Variants in NUP188 observed in about 807,000 individuals in gnomAD.
NUP188 encodes the protein nucleoporin NUP188.
In NUP188, 97 loss-of-function variants were observed where a neutral mutation model predicts 223.0. The ratio of observed to expected loss-of-function variants is 0.43; its 90% CI spans 0.37 to 0.51. The LOEUF (loss-of-function observed/expected upper bound fraction) is 0.51. Among genes scored for constraint, NUP188 ranks in the 20% least tolerant of loss-of-function variants. The pLI is 0.00. For missense variants in NUP188, 1,947 were observed against 2,175.6 expected (o/e 0.89, Z 2.09); for synonymous variants, 869 against 828.0 (o/e 1.05, Z -0.85).
In NUP188 at chr9:128,952,862, G is replaced by T; in HGVS notation, c.161+16G>T. On this transcript the variant is annotated intron_variant, in intron 3 of 43. Coordinates refer to ENST00000372577, the MANE Select transcript of NUP188 (RefSeq NM_015354.3). ...AACCTCCCAGGTATGGCAGTTCCGG[G>T]TGTCTGGTTAAAGTAATTGTCCTAA... 1.9e-6 allele frequency: 3 copies of T among 1,604,728 alleles called. No homozygotes were observed. The highest frequency in any genetic ancestry group is 2.6e-6 in the Non-Finnish European group (3 of 1,171,550).
rs1459605832 is a variant in NUP188 at position 128,982,966 on chromosome 9, A to C, written c.1734A>C (p.Thr578=). The change falls in exon 17 of 44, where the codon ACA becomes ACC. Residue 578 remains threonine, a synonymous_variant. Transcript: ENST00000372577. ...IIDLVHKVIS[T]DLSIADCLLP... The stretch of plus-strand genomic sequence containing the variant: ...ATCTCGTCCATAAGGTCATCAGTAC[A>C]GACCTGTCGATAGCAGACTGTCTCC... The C allele has an allele frequency of 1.2e-6, 2 of 1,614,126 alleles. No individual in the cohort carries two copies. Among genetic ancestry groups the C allele is most frequent in the Admixed American group, 3.3e-5 (2 of 60,012 alleles).
chr9:128,954,359 C>G (rs1315334747), intron 3 of NUP188, among the ~76,000 whole-genome samples: 2 of 138,172 alleles, frequency 1.4e-5, no homozygotes, highest in South Asian at 4.8e-4. Context: ...GGACTACAGG[C>G]GCCCGCTGTG....
At position 129,001,875 on chromosome 9, in the gene NUP188, T is replaced by C. The variant is rs762663956; in HGVS notation, c.4045-9T>C. The C allele has an allele frequency of 1.9e-6, 3 of 1,613,438 alleles. No individual in the cohort carries two copies. The highest frequency in any genetic ancestry group is 2.5e-6 in the Non-Finnish European group (3 of 1,179,522). ...CTCCATCTCATTTCCTGTCTTTCCC[T>C]CCTCCCAGGGAGCCACAGCAGTGGC... is the stretch of plus-strand genomic sequence containing the variant. On this transcript the variant is annotated splice_polypyrimidine_tract_variant and intron_variant, in intron 35 of 43. Coordinates refer to ENST00000372577, the MANE Select transcript of NUP188 (RefSeq NM_015354.3).
intron 34 of NUP188, among the ~76,000 whole-genome samples, chr9:129,000,854 C>T (rs974301337): frequency 2.9e-4 from 44 of 151,252 alleles, no homozygotes; most frequent in African/African-American, 1.0e-3. Flanking sequence ...CTGGCTAACA[C>T]GGTGAAACCC....
intron 25 of NUP188, among the ~76,000 whole-genome samples, chr9:128,990,942 C>G (rs959753145): frequency 1.3e-5 from 2 of 151,480 alleles, no homozygotes; most frequent in Non-Finnish European, 2.9e-5. Context: ...TGCTTGAACC[C>G]GGGAGGCAGA....
chr9:128,947,965 C>T (rs1374474834), intron 1 of NUP188: 11 of 399,240 alleles, frequency 2.8e-5, no homozygotes, highest in Non-Finnish European at 4.4e-5. Context: ...CGGCTCTTCA[C>T]CCCTTCCCTC....
intron 31 of NUP188, 124 bp from the exon 32 acceptor site, chr9:128,998,414 T>TC: frequency 9.7e-7 from 1 of 1,029,294 alleles, no homozygotes. Context: ...CCCTGGCTTC[T>TC]CCCCCTCCAC....
rs748122977 is a variant in NUP188, at chr9:128,984,991, C to T, written c.2053C>T (p.Arg685Cys). ...GEYGVTIAFL[R>C]LITTLVKGQL... ...GTATGGGGTTACTATTGCCTTTCTG[C>T]GCTTGATCACCACCCTTGTCAAGGT... Residue 685 changes from arginine (R) to cysteine (C), a missense_variant, in exon 20 of 44, where the codon CGC becomes TGC. By Grantham distance (180) the Arg-to-Cys change is radical (BLOSUM62 -3). Transcript: ENST00000372577. 6.4e-5 allele frequency: 103 copies of T among 1,612,504 alleles called. No homozygotes were observed. The highest frequency in any genetic ancestry group is 8.0e-5 in the Non-Finnish European group (94 of 1,178,988).
chr9:128,980,518 TA>T, intron 13 of NUP188, 87 bp from the exon 14 acceptor site: 1 of 1,408,194 alleles, frequency 7.1e-7, no homozygotes, highest in Non-Finnish European at 9.8e-7. Context: ...GGATTAATTC[TA>T]AATTTTCTCA....
chr9:128,965,916 G>T (rs2131150655), intron 8 of NUP188, among the ~76,000 whole-genome samples: 1 of 151,192 alleles, frequency 6.6e-6, no homozygotes, highest in African/African-American at 2.4e-5. Flanking sequence ...TCCTGCCTCA[G>T]CCTCCCAAAT....
chr9:128,979,252 C>G lies in NUP188; in HGVS notation c.1204-10C>G, dbSNP rs201618088. On this transcript the variant is annotated splice_polypyrimidine_tract_variant and intron_variant, in intron 12 of 43. Transcript: ENST00000372577. The stretch of plus-strand genomic sequence containing the variant: ...GAAAATGATCCATTTTTCTTCCCTT[C>G]CTCAAACAGGATATAATTGATACAG... 6.2e-7 allele frequency: 1 copy of G among 1,604,152 alleles called. No individual in the cohort carries two copies. Among genetic ancestry groups the G allele is most frequent in the African/African-American group, 1.3e-5 (1 of 74,734 alleles).
chr9:128,990,027 C>A lies in NUP188; in HGVS notation c.2534-93C>A, dbSNP rs1842392326. 7 of 969,492 alleles carry A rather than the reference C, an allele frequency of 7.2e-6. No homozygotes were observed. In the Admixed American group the frequency reaches 1.2e-4, roughly 17 times the overall value. 60.1% of individuals were successfully genotyped at this position (969,492 alleles called of 1,614,324 possible). ...AAGTACTTGAGGGTAAATTCCTTCA[C>A]ATACACACTGTGGGTCTTTTTTGAA... On this transcript the variant is annotated intron_variant, in intron 24 of 43. Transcript: ENST00000372577.
intron 1 of NUP188, chr9:128,948,078 T>G: frequency 6.1e-5 from 15 of 245,418 alleles, no homozygotes; most frequent in East Asian, 7.1e-5. Context: ...TCTCCGGCCG[T>G]GACGCTCCCT....
At chr9:128,999,583 C>T in intron 33 of NUP188, 41 bp from the exon 34 acceptor site, 2 of 1,590,112 alleles carry the variant, frequency 1.3e-6, no homozygotes, top group Non-Finnish European at 1.7e-6. Flanking sequence ...TGAGAGTTGG[C>T]CTGGTGAGCA....
At position 128,998,044 on chromosome 9, in the gene NUP188, G is replaced by A. The variant is rs996729184; in HGVS notation, c.3352-107G>A. The A allele has an allele frequency of 5.0e-6, 4 of 804,050 alleles. No individual in the cohort carries two copies. The African/African-American group carries it at 5.1e-5, about 10-fold the overall frequency. 49.8% of individuals were successfully genotyped at this position (804,050 alleles called of 1,614,324 possible). A position where few individuals can be genotyped will look rare whatever the true frequency, so the allele number is the denominator to read the frequency against. On this transcript the variant is annotated intron_variant, in intron 30 of 43. Coordinates refer to ENST00000372577, the MANE Select transcript of NUP188 (RefSeq NM_015354.3). ...TATATAAGCCCTATTTTAAATCAGG[G>A]AGACTGTTTTACCAATGACTAATTG...
At chr9:128,969,738 C>T (rs956972236) in intron 10 of NUP188, among the ~76,000 whole-genome samples, 6 of 152,188 alleles carry the variant, frequency 3.9e-5, no homozygotes, top group Non-Finnish European at 5.9e-5. Flanking sequence ...ACTGCAACTT[C>T]CACCTCCTGG....
chr9:128,971,639 T>G (rs1413901949), intron 11 of NUP188, among the ~76,000 whole-genome samples: 1 of 152,098 alleles, frequency 6.6e-6, no homozygotes, highest in East Asian at 1.9e-4. Flanking sequence ...AAGCTAGTCT[T>G]GAACTCCTGA....
At chr9:128,975,706 C>T (rs1047022994) in intron 12 of NUP188, among the ~76,000 whole-genome samples, 3 of 149,628 alleles carry the variant, frequency 2.0e-5, no homozygotes, top group Non-Finnish European at 4.5e-5. Context: ...TTTCAGTAGA[C>T]GGGGTTTTGC....
intron 15 of NUP188, among the ~76,000 whole-genome samples, chr9:128,981,813 GC>G (rs1219754375): frequency 6.6e-6 from 1 of 152,108 alleles, no homozygotes; most frequent in Non-Finnish European, 1.5e-5. Flanking sequence ...AGTGGCTCAC[GC>G]CTGTAATCCC....
Sources: allele counts gnomAD v4.1 joint callset (sites outside exome capture counted in the v4.1 genomes callset), GRCh38; gene constraint gnomAD v4.1.1; transcripts MANE v1.5; gene names NCBI Gene and HGNC (gene_info 2026-07-23, HGNC 2026-07-21).